UNC13C: variants seen among roughly 807,000 people sequenced by gnomAD.
UNC13C encodes the protein unc-13 homolog C.
UNC13C carries 174 observed loss-of-function variants against 245.4 expected under a neutral mutation model. That is an observed-to-expected ratio of 0.71 (90% confidence interval 0.63 to 0.80). UNC13C has a LOEUF of 0.80. UNC13C is among the 30% of genes least tolerant of loss of function. UNC13C has a pLI of 0.00. For synonymous variants in UNC13C, 992 were observed against 895.1 expected (o/e 1.11, Z -1.93); for missense variants, 2,829 against 2,602.9 (o/e 1.09, Z -1.89).
At chr15:53,949,941 T>G in the UNC13C span, among the ~76,000 whole-genome samples, 1 of 152,214 alleles carries the variant, frequency 6.6e-6, no homozygotes, top group Admixed American at 6.5e-5. Flanking sequence ...GACCTTAAGC[T>G]CTGCTATTTG....
At chr15:54,200,299 A>G (rs1413935617) in intron 4 of UNC13C, among the ~76,000 whole-genome samples, 1 of 152,090 alleles carries the variant, frequency 6.6e-6, no homozygotes, top group African/African-American at 2.4e-5. Context: ...CAAAGAAACA[A>G]TGGACTTAAA....
At chr15:54,090,312 G>T (rs1879373334) in intron 2 of UNC13C, among the ~76,000 whole-genome samples, 1 of 150,022 alleles carries the variant, frequency 6.7e-6, no homozygotes, top group African/African-American at 2.4e-5. Flanking sequence ...AAAAAAAAAA[G>T]CTGGTAAAAA....
chr15:54,607,768 A>G (rs1189244973), intron 30 of UNC13C, among the ~76,000 whole-genome samples: 1 of 152,102 alleles, frequency 6.6e-6, no homozygotes, highest in Non-Finnish European at 1.5e-5. Flanking sequence ...GGTGCTACAC[A>G]CTTTTAAACA....
chr15:54,549,618 T>C lies in UNC13C; in HGVS notation c.5821-17T>C, dbSNP rs1317331316. The C allele has an allele frequency of 1.3e-6, 2 of 1,590,026 alleles. No homozygotes were observed. Among genetic ancestry groups the C allele is most frequent in the Non-Finnish European group, 8.6e-7 (1 of 1,166,496 alleles). ...ATCTTAAGACTGAGTCTTCTCTCAC[T>C]TTTTCTTTGTTTCTAGGGACCCCAG... On this transcript the variant is annotated splice_polypyrimidine_tract_variant and intron_variant, in intron 27 of 32. Coordinates refer to ENST00000260323, the MANE Select transcript of UNC13C (RefSeq NM_001080534.3).
chr15:54,029,217 C>CA (rs1283369788), intron 2 of UNC13C, among the ~76,000 whole-genome samples: 4 of 152,164 alleles, frequency 2.6e-5, no homozygotes, highest in Non-Finnish European at 4.4e-5. Flanking sequence ...TCATGAAACA[C>CA]AAAAAATGTG....
At chr15:54,031,239 T>C (rs1896345061) in intron 2 of UNC13C, among the ~76,000 whole-genome samples, 1 of 152,218 alleles carries the variant, frequency 6.6e-6, no homozygotes, top group African/African-American at 2.4e-5. Flanking sequence ...CATTGGAAAT[T>C]CAGAAGGGTG....
chr15:54,410,694 C>G (rs2040399106), intron 18 of UNC13C, among the ~76,000 whole-genome samples: 1 of 152,050 alleles, frequency 6.6e-6, no homozygotes, highest in Non-Finnish European at 1.5e-5. Context: ...TCTGGGCTCT[C>G]TGTTCTGTTC....
chr15:54,414,132 C>T (rs1054243663), intron 18 of UNC13C, among the ~76,000 whole-genome samples: 4 of 152,092 alleles, frequency 2.6e-5, no homozygotes, highest in African/African-American at 9.7e-5. Context: ...TTCTGGAGTA[C>T]AGATTAGTGG....
the UNC13C span, among the ~76,000 whole-genome samples, chr15:53,971,056 A>G: frequency 6.6e-6 from 1 of 152,128 alleles, no homozygotes; most frequent in Non-Finnish European, 1.5e-5. Flanking sequence ...GGCTACTCTA[A>G]TGGGTGTGAA....
chr15:53,896,864 C>G, the UNC13C span, among the ~76,000 whole-genome samples: 1 of 152,052 alleles, frequency 6.6e-6, no homozygotes, highest in South Asian at 2.1e-4. Flanking sequence ...TCAGAGACAC[C>G]CGGGACACTG....
At chr15:54,233,322 A>G (rs1272998467) in intron 4 of UNC13C, among the ~76,000 whole-genome samples, 1 of 151,930 alleles carries the variant, frequency 6.6e-6, no homozygotes, top group Non-Finnish European at 1.5e-5. Flanking sequence ...CTTTTCTTCC[A>G]TCTTTCTTGA....
At chr15:54,061,706 T>C (rs936264689) in intron 2 of UNC13C, among the ~76,000 whole-genome samples, 10 of 152,190 alleles carry the variant, frequency 6.6e-5, no homozygotes, top group Non-Finnish European at 1.5e-4. Flanking sequence ...AGGAGGGCTC[T>C]CATTCTATAA....
intron 2 of UNC13C, among the ~76,000 whole-genome samples, chr15:54,118,996 C>T (rs916105653): frequency 6.7e-6 from 1 of 149,924 alleles, no homozygotes; most frequent in Non-Finnish European, 1.5e-5. Context: ...ATAAATCCCA[C>T]TTGATCATGG....
chr15:53,892,996 A>G, the UNC13C span, among the ~76,000 whole-genome samples: 47 of 151,944 alleles, frequency 3.1e-4, no homozygotes, highest in African/African-American at 1.0e-3. Context: ...GTTTCCCCCC[A>G]TCTTTGTGGA....
intron 4 of UNC13C, among the ~76,000 whole-genome samples, chr15:54,200,731 TCAGA>T (rs1158156459): frequency 6.6e-6 from 1 of 151,650 alleles, no homozygotes; most frequent in African/African-American, 2.4e-5. Context: ...GAAAGAGCAC[TCAGA>T]CAATCTAAGG....
Position 54,264,258 on chromosome 15 carries a change from A to T in UNC13C, c.3539A>T (p.Lys1180Ile). ...AAAGAAAGAATGAAGATCAGGGAGA[A>T]AAACCGGCCAGAAGTATTTGAAGTA... The part of the protein sequence containing the change: ...AMKERMKIRE[K>I]NRPEVFEVIQ... The change falls in exon 9 of 33, where the codon AAA becomes ATA. Residue 1180 changes from lysine (K) to isoleucine (I), a missense_variant. Physicochemically the swap from Lys to Ile is moderately radical, Grantham distance 102. Coordinates refer to ENST00000260323, the MANE Select transcript of UNC13C (RefSeq NM_001080534.3). The T allele has an allele frequency of 1.9e-6, 3 of 1,598,672 alleles. No homozygotes were observed. Among genetic ancestry groups the T allele is most frequent in the Non-Finnish European group, 2.6e-6 (3 of 1,172,052 alleles).
chr15:54,294,987 A>G (rs1221841806), intron 11 of UNC13C, among the ~76,000 whole-genome samples: 1 of 152,236 alleles, frequency 6.6e-6, no homozygotes, highest in Non-Finnish European at 1.5e-5. Flanking sequence ...TGAAAGAGAT[A>G]TTTAATTTAT....
chr15:54,405,913 A>G (rs2040281897), intron 18 of UNC13C, among the ~76,000 whole-genome samples: 1 of 152,180 alleles, frequency 6.6e-6, no homozygotes, highest in Non-Finnish European at 1.5e-5. Flanking sequence ...AATTATATAC[A>G]TATGTAGGTA....
chr15:54,027,095 A>T (rs1171361272), intron 2 of UNC13C, among the ~76,000 whole-genome samples: 1 of 151,978 alleles, frequency 6.6e-6, no homozygotes, highest in African/African-American at 2.4e-5. Flanking sequence ...AGAAAGGAAA[A>T]GATCCCCTCA....
Sources: allele counts gnomAD v4.1 joint callset (sites outside exome capture counted in the v4.1 genomes callset), GRCh38; gene constraint gnomAD v4.1.1; transcripts MANE v1.5; gene names NCBI Gene and HGNC (gene_info 2026-07-23, HGNC 2026-07-21).